The following DHX35 variants were observed in gnomAD, a reference collection of about 807,000 sequenced individuals.
DHX35 encodes DEAH-box helicase 35.
A neutral mutation model predicts 99.6 loss-of-function variants in DHX35; 84 were observed. The ratio of observed to expected loss-of-function variants is 0.84; its 90% confidence interval spans 0.71 to 1.01. DHX35 has a LOEUF of 1.01. DHX35 is among the 50% of genes least tolerant of loss of function. The pLI is 0.00. For synonymous variants in DHX35, 331 were observed against 316.2 expected (o/e 1.05, Z -0.50); for missense variants, 852 against 888.5 (o/e 0.96, Z 0.52).
rs775131009 is a variant in DHX35, at chr20:39,018,852, CAG to C, written c.1454_1455del (p.Glu485ValfsTer13). The C allele has an allele frequency of 3.1e-6, 5 of 1,614,028 alleles. No individual in the cohort carries two copies. Among genetic ancestry groups the C allele is most frequent in the South Asian group, 2.2e-5 (2 of 91,082 alleles). On this transcript the variant is annotated frameshift_variant, in exon 15 of 22. Coordinates refer to ENST00000252011, the MANE Select transcript of DHX35 (RefSeq NM_021931.4). LOFTEE classifies it high-confidence loss of function. The stretch of plus-strand genomic sequence containing the variant: ...ACTGAACCGCTTGGCATGAGAATTG[CAG>C]AGTTTCCTTTGAATCCCATGTTTGC...
intron 3 of DHX35, chr20:38,978,093 A>G (rs1480544379): frequency 1.3e-6 from 1 of 762,454 alleles, no homozygotes; most frequent in African/African-American, 1.7e-5. Flanking sequence ...GTCCACTAAT[A>G]TGCACTGGCC....
intron 16 of DHX35, 124 bp from the exon 17 acceptor site, chr20:39,023,566 T>C: frequency 2.6e-6 from 2 of 780,882 alleles, no homozygotes; most frequent in South Asian, 1.6e-5. Flanking sequence ...TTGCCCAGGC[T>C]GGTCTCGAAC....
chr20:39,017,015 T>G (rs2086796159), intron 14 of DHX35, among the ~76,000 whole-genome samples: 1 of 152,292 alleles, frequency 6.6e-6, no homozygotes, highest in African/African-American at 2.4e-5. Flanking sequence ...CTTATTAGTA[T>G]TGTTTGCAGT....
chr20:38,975,211 A>G (rs1417648994), intron 3 of DHX35, among the ~76,000 whole-genome samples: 2 of 152,126 alleles, frequency 1.3e-5, no homozygotes, highest in Non-Finnish European at 2.9e-5. Flanking sequence ...AGACCTAGTA[A>G]AGGTAGATGA....
chr20:39,031,411 A>G (rs2087051021), intron 20 of DHX35, among the ~76,000 whole-genome samples: 1 of 146,884 alleles, frequency 6.8e-6, no homozygotes, highest in African/African-American at 2.5e-5. Context: ...ATCTTGGCTC[A>G]CTGCAACCTC....
intron 2 of DHX35, among the ~76,000 whole-genome samples, chr20:38,969,838 A>G (rs1040336004): frequency 3.3e-5 from 5 of 152,276 alleles, no homozygotes; most frequent in Non-Finnish European, 5.9e-5. Flanking sequence ...ACAGATGGAC[A>G]CAGTTGACAT....
rs35287192 is a variant in DHX35, at chr20:39,027,483, G to A, written c.1802-935G>A. On this transcript the variant is annotated intron_variant, in intron 18 of 21. Coordinates refer to ENST00000252011, the MANE Select transcript of DHX35 (RefSeq NM_021931.4). ...AAATTCACAAAAGAAGAAATATGCC[G>A]ATAGTAATCAAATAAATGTAATATA... Among the ~76,000 whole-genome samples, 1,177 of 152,274 alleles carry A rather than the reference G, an allele frequency of 7.7e-3. 8 individuals are homozygous for A. The highest frequency in any genetic ancestry group is 0.02 in the South Asian group (96 of 4,820).
intron 2 of DHX35, among the ~76,000 whole-genome samples, chr20:38,971,305 A>G (rs1159838219): frequency 6.6e-6 from 1 of 152,192 alleles, no homozygotes; most frequent in Non-Finnish European, 1.5e-5. Flanking sequence ...GTGAGCCAAG[A>G]TTGCACCACT....
At chr20:38,983,600 C>T (rs2086205647) in intron 3 of DHX35, 99 bp from the exon 4 acceptor site, 10 of 911,238 alleles carry the variant, frequency 1.1e-5, no homozygotes, top group African/African-American at 5.0e-5. Flanking sequence ...TGTACTTTTT[C>T]CTTTCTTAGT....
chr20:38,981,453 A>T (rs2086170906), intron 3 of DHX35, among the ~76,000 whole-genome samples: 1 of 152,138 alleles, frequency 6.6e-6, no homozygotes, highest in South Asian at 2.1e-4. Flanking sequence ...CAATACTGTC[A>T]TTATTTATTG....
At chr20:39,027,191 G>A (rs1337423658) in intron 18 of DHX35, among the ~76,000 whole-genome samples, 1 of 152,064 alleles carries the variant, frequency 6.6e-6, no homozygotes, top group Non-Finnish European at 1.5e-5. Flanking sequence ...ACTGGATATC[G>A]GATTAGATCA....
intron 3 of DHX35, among the ~76,000 whole-genome samples, chr20:38,973,495 C>G (rs933787610): frequency 6.6e-6 from 1 of 152,188 alleles, no homozygotes; most frequent in African/African-American, 2.4e-5. Context: ...TCTGCTTACC[C>G]CTACAATCAT....
intron 3 of DHX35, among the ~76,000 whole-genome samples, chr20:38,979,260 A>G (rs565495238): frequency 1.3e-5 from 2 of 152,294 alleles, no homozygotes; most frequent in Middle Eastern, 3.4e-3. Flanking sequence ...TATTATCACA[A>G]TGATGCAGTG....
intron 4 of DHX35, among the ~76,000 whole-genome samples, chr20:38,986,615 C>T (rs986531826): frequency 6.6e-6 from 1 of 152,108 alleles, no homozygotes; most frequent in Non-Finnish European, 1.5e-5. Context: ...TATCTCTATG[C>T]ACACATTCTC....
chr20:38,963,061 C>T (rs1403988640), intron 1 of DHX35: 1 of 152,394 alleles, frequency 6.6e-6, no homozygotes, highest in East Asian at 1.9e-4. Flanking sequence ...AGGGAACAGT[C>T]CTTCATATTG....
chr20:39,004,125 C>T (rs148465443), intron 11 of DHX35, among the ~76,000 whole-genome samples: 3,394 of 152,006 alleles, frequency 0.022, 130 homozygotes, highest in African/African-American at 0.078. Flanking sequence ...TGCAGTGGCG[C>T]GATCTCAGCT....
chr20:39,034,142 A>C, intron 20 of DHX35, 64 bp from the exon 21 acceptor site: 2 of 1,180,568 alleles, frequency 1.7e-6, no homozygotes, highest in Non-Finnish European at 2.5e-6. Context: ...CAGCATGTCT[A>C]CCTGTGGTTC....
intron 17 of DHX35, 140 bp from the exon 18 acceptor site, chr20:39,025,090 C>T: frequency 1.0e-6 from 1 of 976,786 alleles, no homozygotes; most frequent in South Asian, 2.1e-5. Flanking sequence ...AGAGATGGGG[C>T]AAAAAAGGGC....
intron 1 of DHX35, among the ~76,000 whole-genome samples, chr20:38,965,512 G>T (rs568405860): frequency 6.6e-6 from 1 of 151,966 alleles, no homozygotes; most frequent in Non-Finnish European, 1.5e-5. Context: ...GCATACACTG[G>T]ATAGTATGTA....
Sources: gnomAD v4.1 joint callset for allele counts (sites outside exome capture counted in the v4.1 genomes callset) on GRCh38, gnomAD v4.1.1 for gene constraint, MANE v1.5 for transcripts, NCBI Gene and HGNC (gene_info 2026-07-23, HGNC 2026-07-21) for gene names.